The following CTNND2 variants were observed in gnomAD, a reference collection of about 807,000 sequenced individuals.
CTNND2 encodes catenin delta 2.
A neutral mutation model predicts 144.4 loss-of-function variants in CTNND2; 22 were observed. The ratio of observed to expected loss-of-function variants is 0.15; its 90% CI spans 0.11 to 0.22. The LOEUF (loss-of-function observed/expected upper bound fraction) is 0.22, where lower values mean the gene tolerates loss of function less well. Among genes scored for constraint, CTNND2 ranks in the 10% least tolerant of loss-of-function variants. CTNND2 has a pLI of 1.00. For missense variants in CTNND2, 1,353 were observed against 1,618.8 expected (o/e 0.84, Z 2.82); for synonymous variants, 751 against 695.6 (o/e 1.08, Z -1.25).
At chr5:11,577,012 A>G (rs1778023594) in intron 2 of CTNND2, among the ~76,000 whole-genome samples, 1 of 152,206 alleles carries the variant, frequency 6.6e-6, no homozygotes, top group Non-Finnish European at 1.5e-5. Context: ...TATATATGAA[A>G]TGCCGAGAGC....
At chr5:11,891,496 T>A (rs930041610) in intron 1 of CTNND2, among the ~76,000 whole-genome samples, 1 of 152,162 alleles carries the variant, frequency 6.6e-6, no homozygotes, top group Admixed American at 6.5e-5. Flanking sequence ...GATGAAGTCC[T>A]AGCCCCCGAT....
intron 3 of CTNND2, among the ~76,000 whole-genome samples, chr5:11,446,427 T>C (rs1764804358): frequency 6.6e-6 from 1 of 152,166 alleles, no homozygotes. Context: ...CTCTGAGCAA[T>C]GGCATGTGGG....
Position 11,384,833 on chromosome 5 carries a change from C to T in CTNND2, c.1009G>A (p.Val337Met), listed in dbSNP as rs368770402. The part of the protein sequence containing the change: ...SPIRVTSPPT[V>M]QSTISSSPIH... ...GGCGAGGAGGAGATGGTGGACTGCA[C>T]GGTGGGGGGCGAGGTCACGCGGATC... The change falls in exon 7 of 22, where the codon GTG becomes ATG. Residue 337 changes from valine to methionine, a missense_variant. By Grantham distance (21) the Val-to-Met change is conservative. Transcript: ENST00000304623. The surrounding 1 kb of genome is among the most constrained non-coding windows in gnomAD (Gnocchi z 5.2). 18 of 1,612,674 alleles carry T rather than the reference C, an allele frequency of 1.1e-5. No homozygotes were observed. Among genetic ancestry groups the T allele is most frequent in the Non-Finnish European group, 1.4e-5 (16 of 1,179,600 alleles).
intron 1 of CTNND2, among the ~76,000 whole-genome samples, chr5:11,773,405 T>C (rs564246539): frequency 3.3e-5 from 5 of 152,360 alleles, no homozygotes; most frequent in Admixed American, 3.3e-4. Flanking sequence ...TGGACACTCC[T>C]GTGATACAGA....
At chr5:11,050,707 T>C (rs1745743193) in intron 16 of CTNND2, among the ~76,000 whole-genome samples, 1 of 152,208 alleles carries the variant, frequency 6.6e-6, no homozygotes, top group Non-Finnish European at 1.5e-5. Context: ...GCTATTAGTT[T>C]CACAGAAAGA....
At chr5:11,606,943 T>C (rs1780080619) in intron 2 of CTNND2, among the ~76,000 whole-genome samples, 1 of 152,164 alleles carries the variant, frequency 6.6e-6, no homozygotes, top group Admixed American at 6.5e-5. Flanking sequence ...AAGGTCTTTA[T>C]AGACGTAATC....
rs903262103 is a variant in CTNND2 at position 11,716,915 on chromosome 5, T to C, written c.174+15221A>G. On this transcript the variant is annotated intron_variant, in intron 2 of 21. Coordinates refer to ENST00000304623, the MANE Select transcript of CTNND2 (RefSeq NM_001332.4). ...ATGGAGTCTCACTTTGCCACCAGGC[T>C]GGAGTGTAGTGGCACAGTCTCAGCT... Among the ~76,000 whole-genome samples, 3 of 152,132 alleles carry C rather than the reference T, an allele frequency of 2.0e-5. No individual in the cohort carries two copies. In the East Asian group the frequency reaches 5.8e-4, roughly 30 times the overall value.
chr5:11,790,761 A>T (rs1440182477), intron 1 of CTNND2, among the ~76,000 whole-genome samples: 1 of 152,210 alleles, frequency 6.6e-6, no homozygotes, highest in Non-Finnish European at 1.5e-5. Context: ...CAAAATCAAA[A>T]GTTAGATACA....
chr5:11,727,062 G>A (rs1390500625), intron 2 of CTNND2, among the ~76,000 whole-genome samples: 2 of 152,128 alleles, frequency 1.3e-5, no homozygotes, highest in Non-Finnish European at 2.9e-5. Context: ...GGAACTCCCA[G>A]CACACATTCC....
At chr5:11,861,844 T>C (rs1228271169) in intron 1 of CTNND2, among the ~76,000 whole-genome samples, 1 of 152,234 alleles carries the variant, frequency 6.6e-6, no homozygotes, top group Non-Finnish European at 1.5e-5. Flanking sequence ...TTGGCATTTC[T>C]TGAGTATACT....
intron 1 of CTNND2, among the ~76,000 whole-genome samples, chr5:11,872,497 T>A (rs1236342266): frequency 6.6e-6 from 1 of 152,176 alleles, no homozygotes; most frequent in African/African-American, 2.4e-5. Context: ...GACACTCCTA[T>A]TAACAGTGTA....
At chr5:11,704,601 G>C (rs530607949) in intron 2 of CTNND2, among the ~76,000 whole-genome samples, 1 of 152,164 alleles carries the variant, frequency 6.6e-6, no homozygotes, top group East Asian at 2.0e-4. Context: ...GGAACGGACT[G>C]TGTTGGTCCT....
chr5:11,175,047 T>G (rs1280594023), intron 11 of CTNND2, among the ~76,000 whole-genome samples: 1 of 152,206 alleles, frequency 6.6e-6, no homozygotes, highest in African/African-American at 2.4e-5. Context: ...GAATGGAAGG[T>G]GACTTTCCTG....
At position 11,080,345 on chromosome 5, in the gene CTNND2, C is replaced by T. The variant is rs559716793; in HGVS notation, c.2788+2351G>A. On this transcript the variant is annotated intron_variant, in intron 16 of 21. Transcript: ENST00000304623. ...GGTGAGGATGCAGAGAAAGAGAAAC[C>T]CTTGTACTTTATTAGCGGGAATGTA... Among the ~76,000 whole-genome samples the T allele has an allele frequency of 7.9e-5, 12 of 152,180 alleles. No individual in the cohort carries two copies. The East Asian group carries it at 2.1e-3, about 27-fold the overall frequency.
At chr5:11,526,163 A>G (rs912852377) in intron 3 of CTNND2, among the ~76,000 whole-genome samples, 3 of 152,032 alleles carry the variant, frequency 2.0e-5, no homozygotes, top group Non-Finnish European at 4.4e-5. Context: ...CAGCTTCCCA[A>G]AGTGCTGGGA....
At chr5:11,844,897 G>A (rs1794657693) in intron 1 of CTNND2, among the ~76,000 whole-genome samples, 1 of 152,140 alleles carries the variant, frequency 6.6e-6, no homozygotes, top group Admixed American at 6.5e-5. Context: ...TATACATAAA[G>A]GTAGGAAGGT....
intron 12 of CTNND2, among the ~76,000 whole-genome samples, chr5:11,129,216 T>TAAA (rs1237610490): frequency 2.9e-4 from 11 of 38,054 alleles, no homozygotes; most frequent in East Asian, 3.1e-3. Flanking sequence ...TATTTATATA[T>TAAA]TATATATAAA....
chr5:11,333,184 C>T (rs1254681735), intron 9 of CTNND2, among the ~76,000 whole-genome samples: 1 of 152,232 alleles, frequency 6.6e-6, no homozygotes, highest in Non-Finnish European at 1.5e-5. Flanking sequence ...AAAACTCCAT[C>T]ATATGTATAC....
At chr5:11,257,241 C>A (rs778786663) in intron 9 of CTNND2, among the ~76,000 whole-genome samples, 19 of 152,084 alleles carry the variant, frequency 1.2e-4, no homozygotes, top group Non-Finnish European at 4.4e-5. Context: ...AAAGGGTGTG[C>A]AGCAATTACC....
Sources: allele counts gnomAD v4.1 joint callset (sites outside exome capture counted in the v4.1 genomes callset), GRCh38; gene constraint gnomAD v4.1.1; non-coding constraint Gnocchi (gnomAD v3.1); transcripts MANE v1.5; gene names NCBI Gene and HGNC (gene_info 2026-07-23, HGNC 2026-07-21).